The following FAM107A variants were observed in gnomAD, a reference collection of about 807,000 sequenced individuals.
The protein encoded by FAM107A is actin-associated protein FAM107A.
A neutral mutation model predicts 13.7 loss-of-function variants in FAM107A; 19 were observed. That is an observed-to-expected ratio of 1.38 (90% CI 0.97 to 2.03). The LOEUF (loss-of-function observed/expected upper bound fraction) is 2.03. Among genes scored for constraint, FAM107A ranks in the 30% most tolerant of loss-of-function variants. The pLI is 0.00. For synonymous variants in FAM107A, 82 were observed against 74.5 expected (o/e 1.10, Z -0.52); for missense variants, 203 against 184.4 (o/e 1.10, Z -0.58).
chr3:58,580,092 G>C (rs2108056128), upstream of FAM107A, among the ~76,000 whole-genome samples: 1 of 152,208 alleles, frequency 6.6e-6, no homozygotes, highest in East Asian at 1.9e-4. Context: ...CCCTTTCCCA[G>C]GCCACACTCC....
chr3:58,614,318 C>G (rs934244968), intron 1 of FAM107A, among the ~76,000 whole-genome samples: 2 of 151,856 alleles, frequency 1.3e-5, no homozygotes, highest in African/African-American at 4.8e-5. Flanking sequence ...TTTCATTGTC[C>G]TTGTTTAATT....
At chr3:58,624,755 T>C (rs538031962) in intron 1 of FAM107A, among the ~76,000 whole-genome samples, 120 of 148,538 alleles carry the variant, frequency 8.1e-4, no homozygotes, top group Non-Finnish European at 1.6e-3. Flanking sequence ...CTAAGAGGAA[T>C]AGAAGCAACA....
At chr3:58,620,624 G>T (rs182212760) in intron 1 of FAM107A, among the ~76,000 whole-genome samples, 10 of 152,332 alleles carry the variant, frequency 6.6e-5, no homozygotes, top group Admixed American at 3.3e-4. Context: ...GAGGGATGAC[G>T]CTGTGGAATG....
At chr3:58,599,087 A>T in intron 1 of FAM107A, among the ~76,000 whole-genome samples, 1 of 152,026 alleles carries the variant, frequency 6.6e-6, no homozygotes, top group South Asian at 2.1e-4. Context: ...GATTACAGGC[A>T]TGTACCACCA....
At chr3:58,598,347 G>T (rs921989633) in intron 1 of FAM107A, among the ~76,000 whole-genome samples, 1 of 152,206 alleles carries the variant, frequency 6.6e-6, no homozygotes, top group Non-Finnish European at 1.5e-5. Flanking sequence ...CCGAGGTGCA[G>T]TAATGAGGGC....
At chr3:58,567,583 C>A (rs535458411) in intron 2 of FAM107A, among the ~76,000 whole-genome samples, 1 of 152,222 alleles carries the variant, frequency 6.6e-6, no homozygotes, top group East Asian at 1.9e-4. Flanking sequence ...AGGTAGGCCA[C>A]ATGAGGATTT....
chr3:58,601,179 A>C (rs1327389263), intron 1 of FAM107A, among the ~76,000 whole-genome samples: 1 of 152,234 alleles, frequency 6.6e-6, no homozygotes, highest in Non-Finnish European at 1.5e-5. Flanking sequence ...TTATATAATG[A>C]TAAAGCCATT....
rs2065870673 is a variant in FAM107A, at chr3:58,613,188, C to T, written c.-70+14228G>A. 6.6e-6 allele frequency among the ~76,000 whole-genome samples: 1 copy of T among 152,152 alleles called. No homozygotes were observed. The highest frequency in any genetic ancestry group is 1.5e-5 in the Non-Finnish European group (1 of 68,032). On this transcript the variant is annotated intron_variant, in intron 1 of 3. Coordinates refer to the FAM107A transcript ENST00000465970. This position sits in a 1 kb window ranked among gnomAD's most constrained non-coding sequence, Gnocchi z 4.6. ...AAATAGCAGCCATTTGTTGAGCTCACACTATGTGTCAAGGACTGTGCTCAG... is the reference window on the plus strand; with the variant it reads ...AAATAGCAGCCATTTGTTGAGCTCATACTATGTGTCAAGGACTGTGCTCAG...
At chr3:58,570,313 A>G in intron 1 of FAM107A, 1 of 887,280 alleles carries the variant, frequency 1.1e-6, no homozygotes, top group Non-Finnish European at 1.4e-6. Context: ...CAGTGATAAA[A>G]AGAAAGTATT....
At chr3:58,616,565 A>ACC (rs1553631042) in intron 1 of FAM107A, among the ~76,000 whole-genome samples, 2 of 144,784 alleles carry the variant, frequency 1.4e-5, no homozygotes, top group Non-Finnish European at 3.0e-5. Flanking sequence ...ACACACACAC[A>ACC]CACCACCACT....
At chr3:58,589,439 G>GTGTGTGTGTA (rs1406077058), upstream of FAM107A, among the ~76,000 whole-genome samples, 1 of 152,140 alleles carries the variant, frequency 6.6e-6, no homozygotes, top group Non-Finnish European at 1.5e-5. Flanking sequence ...GGATGTGTGT[G>GTGTGTGTGTA]TGTGTGTGTA....
intron 1 of FAM107A, among the ~76,000 whole-genome samples, chr3:58,598,656 A>G (rs2065726900): frequency 6.6e-6 from 1 of 152,204 alleles, no homozygotes; most frequent in East Asian, 1.9e-4. Context: ...TTGCATACAC[A>G]TTTTAAAAAG....
chr3:58,569,239 G>A lies in FAM107A; in HGVS notation c.170+452C>T, dbSNP rs139491425. 6.3e-3 allele frequency among the ~76,000 whole-genome samples: 953 copies of A among 152,286 alleles called. 2 individuals carry two copies. The highest frequency in any genetic ancestry group is 0.017 in the Middle Eastern group (5 of 294). The stretch of plus-strand genomic sequence containing the variant: ...TTCAGGTCATAGCTGAGGCAGCACC[G>A]CTCCTGTGAAGTCATTTTAGACCCC... On this transcript the variant is annotated intron_variant, in intron 2 of 3. Coordinates refer to ENST00000360997, the MANE Select transcript of FAM107A (RefSeq NM_001076778.3). This position sits in a 1 kb window ranked among gnomAD's most constrained non-coding sequence, Gnocchi z 5.7.
chr3:58,565,059 G>A lies in FAM107A; in HGVS notation c.*1529C>T, dbSNP rs762578260. 3 of 152,258 alleles carry A rather than the reference G, an allele frequency of 2.0e-5. No individual in the cohort carries two copies. The highest frequency in any genetic ancestry group is 4.4e-5 in the Non-Finnish European group (3 of 68,054). The allele number at this position is 152,258 out of a possible 1,614,324, so 9.4% of individuals were successfully genotyped here. A position where few individuals can be genotyped will look rare whatever the true frequency, so the allele number is the denominator to read the frequency against. On this transcript the variant is annotated 3_prime_UTR_variant, in exon 4 of 4. Coordinates refer to ENST00000360997, the MANE Select transcript of FAM107A (RefSeq NM_001076778.3). ...CTATCTGTGGCAGTTTTGGGAAAGT[G>A]AAAGGAGATGCTATTCCAGCACTGC... is the stretch of plus-strand genomic sequence containing the variant.
At chr3:58,597,043 C>T (rs999693011) in intron 1 of FAM107A, among the ~76,000 whole-genome samples, 2 of 152,306 alleles carry the variant, frequency 1.3e-5, no homozygotes, top group Non-Finnish European at 1.5e-5. Context: ...CTCTTGATTT[C>T]TGACTTAAGT....
At chr3:58,572,892 C>G (rs989515478) in intron 1 of FAM107A, 1 of 152,198 alleles carries the variant, frequency 6.6e-6, no homozygotes, top group Admixed American at 6.5e-5. Flanking sequence ...TTGGTTTGAC[C>G]TTCTGTTGTT....
At chr3:58,579,770 C>T (rs967206441), upstream of FAM107A, among the ~76,000 whole-genome samples, 5 of 152,146 alleles carry the variant, frequency 3.3e-5, no homozygotes, top group Admixed American at 1.3e-4. Context: ...CAGAGGAACA[C>T]GCACCTGACA....
At chr3:58,596,577 G>A (rs1362208896) in intron 1 of FAM107A, among the ~76,000 whole-genome samples, 1 of 151,994 alleles carries the variant, frequency 6.6e-6, no homozygotes, top group African/African-American at 2.4e-5. Context: ...TACTAGAGAG[G>A]CTGAGGCAGG....
chr3:58,594,435 G>A (rs1020440591), intron 1 of FAM107A, among the ~76,000 whole-genome samples: 3 of 151,986 alleles, frequency 2.0e-5, no homozygotes, highest in African/African-American at 4.8e-5. Context: ...AACCTCTAAC[G>A]GCAGCTGCCC....
Sources: allele counts gnomAD v4.1 joint callset (sites outside exome capture counted in the v4.1 genomes callset), GRCh38; gene constraint gnomAD v4.1.1; non-coding constraint Gnocchi (gnomAD v3.1); transcripts MANE v1.5; gene names NCBI Gene and HGNC (gene_info 2026-07-23, HGNC 2026-07-21).